Variants in ERC2 observed in about 807,000 individuals in gnomAD.
The protein encoded by ERC2 is ERC protein 2.
ERC2 carries 42 observed loss-of-function variants against 114.8 expected under a neutral mutation model. The ratio of observed to expected loss-of-function variants is 0.37; its 90% CI spans 0.29 to 0.47. The LOEUF (loss-of-function observed/expected upper bound fraction) is 0.47. Ranked by LOEUF, ERC2 falls within the 20% of genes least tolerant of loss-of-function variation. The probability of loss-of-function intolerance (pLI) is 0.99; values close to 1 mark genes in which losing one functional copy is unlikely to be tolerated. For synonymous variants in ERC2, 454 were observed against 425.5 expected, an observed-to-expected ratio of 1.07 and a Z score of -0.82; for missense variants, 939 against 1,150.7, an observed-to-expected ratio of 0.82 and a Z score of 2.66.
chr3:56,358,749 T>C (rs1037399882), intron 2 of ERC2, among the ~76,000 whole-genome samples: 6 of 152,268 alleles, frequency 3.9e-5, no homozygotes, highest in African/African-American at 1.4e-4. Flanking sequence ...GGTATCCTCA[T>C]CTGCAATATG....
At position 56,216,167 on chromosome 3, in the gene ERC2, G is replaced by C. The variant is rs536476829; in HGVS notation, c.1075-42647C>G. Among the ~76,000 whole-genome samples, 4 of 152,280 alleles carry C rather than the reference G, an allele frequency of 2.6e-5. No individual in the cohort carries two copies. In the South Asian group the frequency reaches 6.2e-4, roughly 24 times the overall value. ...TCAGAGCAGAACTGAAAGTGATAGA[G>C]ATACAAAAAACCCTTCAAAAAATCA... On this transcript the variant is annotated intron_variant, in intron 3 of 17. Transcript: ENST00000288221.
intron 13 of ERC2, among the ~76,000 whole-genome samples, chr3:55,929,946 T>G (rs1430700870): frequency 1.3e-5 from 2 of 152,184 alleles, no homozygotes; most frequent in African/African-American, 4.8e-5. Context: ...TATTTATAAA[T>G]TACTCAGTCT....
intron 17 of ERC2, among the ~76,000 whole-genome samples, chr3:55,591,601 G>GTGTGTGTGTGTC: frequency 6.7e-6 from 1 of 148,296 alleles, no homozygotes; most frequent in South Asian, 2.1e-4. Context: ...GTGTGTGTGT[G>GTGTGTGTGTGTC]CGCGCGCGTG....
intron 6 of ERC2, among the ~76,000 whole-genome samples, chr3:56,085,264 G>A (rs959809483): frequency 1.1e-4 from 16 of 152,190 alleles, no homozygotes; most frequent in Non-Finnish European, 2.1e-4. Flanking sequence ...GGGAAGTTGG[G>A]GGAGTAGAGA....
chr3:56,382,708 C>T (rs865964166), intron 2 of ERC2, among the ~76,000 whole-genome samples: 1 of 152,190 alleles, frequency 6.6e-6, no homozygotes, highest in African/African-American at 2.4e-5. Context: ...CATTCTCTGG[C>T]CACCTTTTTT....
At chr3:55,832,116 G>A (rs898935953) in intron 14 of ERC2, among the ~76,000 whole-genome samples, 1 of 152,262 alleles carries the variant, frequency 6.6e-6, no homozygotes. Flanking sequence ...CTCGAACTGG[G>A]TGGAGCCCAC....
Position 55,676,989 on chromosome 3 carries a change from C to T in ERC2, c.*39+6805G>A, listed in dbSNP as rs192672132. Among the ~76,000 whole-genome samples, 571 of 152,258 alleles carry T rather than the reference C, an allele frequency of 3.8e-3. 6 individuals carry two copies. Among genetic ancestry groups the T allele is most frequent in the African/African-American group, 0.013 (542 of 41,540 alleles). On this transcript the variant is annotated intron_variant, in intron 17 of 17. Transcript: ENST00000288221. ...TCTGCCAGGTAACCCTTATGAGCTC[C>T]AGAGAAACCCACAAGAACTTATTTA...
chr3:55,927,243 C>T (rs967779087), intron 13 of ERC2, among the ~76,000 whole-genome samples: 1 of 152,142 alleles, frequency 6.6e-6, no homozygotes, highest in Admixed American at 6.5e-5. Flanking sequence ...ACATTAACAA[C>T]CATAAAGAGA....
intron 12 of ERC2, among the ~76,000 whole-genome samples, chr3:55,960,291 G>A (rs181292573): frequency 3.9e-5 from 6 of 152,168 alleles, no homozygotes; most frequent in East Asian, 1.9e-4. Context: ...CATCCTCACC[G>A]TTAGCCCCAG....
At chr3:55,875,724 A>ACACACACACACACACACACACTCTCT (rs1491351730) in intron 14 of ERC2, among the ~76,000 whole-genome samples, 3 of 141,024 alleles carry the variant, frequency 2.1e-5, no homozygotes, top group African/African-American at 8.3e-5. Flanking sequence ...ACACACACAC[A>ACACACACACACACACACACACTCTCT]CTCTCTCTCT....
At chr3:55,932,963 C>A (rs1234488378) in intron 13 of ERC2, among the ~76,000 whole-genome samples, 2 of 152,248 alleles carry the variant, frequency 1.3e-5, no homozygotes, top group African/African-American at 2.4e-5. Context: ...AATTGCAACA[C>A]TTTCGGAGGC....
intron 2 of ERC2, among the ~76,000 whole-genome samples, chr3:56,338,411 T>C (rs559661038): frequency 3.3e-5 from 5 of 152,358 alleles, no homozygotes; most frequent in African/African-American, 4.8e-5. Flanking sequence ...TCTGCCTTTC[T>C]GTACCGCCTG....
chr3:56,444,255 G>A (rs994212380), intron 1 of ERC2, among the ~76,000 whole-genome samples: 2 of 151,808 alleles, frequency 1.3e-5, no homozygotes, highest in African/African-American at 4.8e-5. Flanking sequence ...ACAGGCGTGA[G>A]CCACCACGCC....
chr3:56,158,735 A>G (rs556272536), intron 4 of ERC2, among the ~76,000 whole-genome samples: 36 of 151,424 alleles, frequency 2.4e-4, no homozygotes, highest in African/African-American at 8.5e-4. Flanking sequence ...CAGAAAAACA[A>G]AAAAAAAACC....
In ERC2 at chr3:56,319,346, A is replaced by G. The variant is rs565036831; in HGVS notation, c.658-22911T>C. Among the ~76,000 whole-genome samples, 58 of 152,328 alleles carry G rather than the reference A, an allele frequency of 3.8e-4. 1 individual carries two copies. The highest frequency in any genetic ancestry group is 3.4e-3 in the Admixed American group (52 of 15,294). ...AGAAAATTCTGCCATATGCCACAAC[A>G]AAGATGAACTTTGAGGACATTACGC... On this transcript the variant is annotated intron_variant, in intron 2 of 17. Transcript: ENST00000288221.
intron 6 of ERC2, among the ~76,000 whole-genome samples, chr3:56,094,251 C>T (rs182568829): frequency 6.6e-5 from 10 of 152,240 alleles, no homozygotes; most frequent in Non-Finnish European, 1.2e-4. Context: ...CTCAGAAGGC[C>T]TTGGCTGACA....
At chr3:56,353,067 G>A (rs1393361219) in intron 2 of ERC2, among the ~76,000 whole-genome samples, 3 of 152,172 alleles carry the variant, frequency 2.0e-5, no homozygotes, top group African/African-American at 7.2e-5. Flanking sequence ...ATGAGTCTAG[G>A]AGGCAAGGGT....
At chr3:55,607,993 A>C (rs2058718014) in intron 17 of ERC2, 1 of 152,220 alleles carries the variant, frequency 6.6e-6, no homozygotes. Flanking sequence ...TGTGGGGGAA[A>C]AAAAAACAAA....
intron 13 of ERC2, among the ~76,000 whole-genome samples, chr3:55,936,384 G>A (rs940511571): frequency 1.3e-5 from 2 of 152,226 alleles, no homozygotes; most frequent in Admixed American, 6.5e-5. Flanking sequence ...ATTCTAGGAG[G>A]AGGGATGATG....
Sources: allele counts gnomAD v4.1 joint callset (sites outside exome capture counted in the v4.1 genomes callset), GRCh38; gene constraint gnomAD v4.1.1; transcripts MANE v1.5; gene names NCBI Gene and HGNC (gene_info 2026-07-23, HGNC 2026-07-21).